The following KIDINS220 variants were observed in gnomAD, a reference collection of about 807,000 sequenced individuals.
The protein encoded by KIDINS220 is kinase D-interacting substrate of 220 kDa.
In KIDINS220, 63 loss-of-function variants were observed where a neutral mutation model predicts 157.6. The observed-to-expected ratio is 0.40, with a 90% CI of 0.33 to 0.49. The LOEUF is 0.49. Among genes scored for constraint, KIDINS220 ranks in the 20% least tolerant of loss-of-function variants. The pLI is 0.66. For missense variants in KIDINS220, 1,772 were observed against 2,171.2 expected (o/e 0.82, Z 3.65); for synonymous variants, 732 against 783.6 (o/e 0.93, Z 1.10).
chr2:8,780,135 G>A (rs767208254), intron 17 of KIDINS220, among the ~76,000 whole-genome samples: 4 of 152,182 alleles, frequency 2.6e-5, no homozygotes, highest in South Asian at 4.1e-4. Context: ...AGATCTGGAT[G>A]CAAATCCAAA....
At position 8,795,695 on chromosome 2, in the gene KIDINS220, A is replaced by G. The variant is rs560787299; in HGVS notation, c.1098+1076T>C. ...AACACACAAAAGAATACCAAGGCAGAGGCCTTCAGGAAACTTATTAATGAG... is the reference window on the plus strand; with the variant it reads ...AACACACAAAAGAATACCAAGGCAGGGGCCTTCAGGAAACTTATTAATGAG... On this transcript the variant is annotated intron_variant, in intron 11 of 29. Transcript: ENST00000256707. 2.6e-4 allele frequency among the ~76,000 whole-genome samples: 40 copies of G among 152,360 alleles called. No homozygotes were observed. The East Asian group carries it at 7.3e-3, about 28-fold the overall frequency.
Position 8,778,961 on chromosome 2 carries a change from C to T in KIDINS220, c.2549G>A (p.Ser850Asn), listed in dbSNP as rs368726968. 1.6e-5 allele frequency: 26 copies of T among 1,613,998 alleles called. No individual in the cohort carries two copies. Among genetic ancestry groups the T allele is most frequent in the South Asian group, 2.2e-5 (2 of 91,086 alleles). ...AGTTACGAGAAATTTTCTTGCATTG[C>T]TTAGTCCACGACTATTAAGGAACAC... ...LPVFLNSRGL[S>N]NARKFLVTSA... is the part of the protein sequence containing the mutation. The change falls in exon 19 of 30, where the codon AGC becomes AAC. Residue 850 changes from serine to asparagine, a missense_variant. Physicochemically the swap from Ser to Asn is conservative, Grantham distance 46. Around this residue, in one of 3 missense-constraint regions of KIDINS220, gnomAD observed 725 missense variants for 1,017.1 expected, o/e 0.71. Transcript: ENST00000256707.
chr2:8,741,749 G>GA (rs1665658509), intron 26 of KIDINS220, among the ~76,000 whole-genome samples: 1 of 152,118 alleles, frequency 6.6e-6, no homozygotes, highest in Admixed American at 6.5e-5. Flanking sequence ...AATTGTTTAG[G>GA]AAAAAAGTTT....
Position 8,729,217 on chromosome 2 carries a change from T to C in KIDINS220, c.*1503A>G, listed in dbSNP as rs866698180. 2 of 985,286 alleles carry C rather than the reference T, an allele frequency of 2.0e-6. No individual in the cohort carries two copies. The highest frequency in any genetic ancestry group is 3.5e-5 in the African/African-American group (2 of 57,346). The allele number at this position is 985,286 out of a possible 1,614,324, so 61.0% of individuals were successfully genotyped here. A position where few individuals can be genotyped will look rare whatever the true frequency, so the allele number is the denominator to read the frequency against. ...ATGCAAAATAAACACTGTATTAAAA[T>C]GCTAGATTACACTCAAACATCAAGG... On this transcript the variant is annotated 3_prime_UTR_variant, in exon 30 of 30. Coordinates refer to ENST00000256707, the MANE Select transcript of KIDINS220 (RefSeq NM_020738.4).
intron 7 of KIDINS220, 119 bp from the exon 8 acceptor site, chr2:8,803,246 T>A (rs1179011226): frequency 2.4e-6 from 2 of 847,780 alleles, no homozygotes; most frequent in Admixed American, 6.3e-5. Flanking sequence ...GGTGGCCTAT[T>A]ATTGTCATTT....
downstream of KIDINS220, chr2:8,723,402 G>GT (rs1276340894): frequency 1.3e-5 from 2 of 152,232 alleles, no homozygotes; most frequent in Admixed American, 1.3e-4. Flanking sequence ...GTAAATTTAG[G>GT]TAACACTGAA....
chr2:8,726,603 A>G (rs1441495117), downstream of KIDINS220, among the ~76,000 whole-genome samples: 1 of 152,210 alleles, frequency 6.6e-6, no homozygotes, highest in Non-Finnish European at 1.5e-5. Context: ...TCGTGGGAGC[A>G]TCACAGAGCA....
chr2:8,786,208 T>C lies in KIDINS220; in HGVS notation c.1937A>G (p.Gln646Arg), dbSNP rs1365079712. 6.2e-7 allele frequency: 1 copy of C among 1,614,068 alleles called. No homozygotes were observed. The highest frequency in any genetic ancestry group is 8.5e-7 in the Non-Finnish European group (1 of 1,179,958). The change falls in exon 16 of 30, where the codon CAG becomes CGG. Residue 646 changes from glutamine to arginine, a missense_variant and splice_region_variant. This residue lies in a region of KIDINS220 where 725 missense variants were observed against 1,017.1 expected (regional missense o/e 0.71). Transcript: ENST00000256707. ...LFRVFKTEDT[Q>R]GKKKWKKTCC... The stretch of plus-strand genomic sequence containing the variant: ...AGAAGGAAGGAAGGAAATCCTACCC[T>C]GAGTATCTTCAGTCTTGAATACTCG...
At chr2:8,791,785 G>T in intron 12 of KIDINS220, among the ~76,000 whole-genome samples, 1 of 152,170 alleles carries the variant, frequency 6.6e-6, no homozygotes, top group Non-Finnish European at 1.5e-5. Context: ...AGGAAGAAAG[G>T]TTCAGCAATT....
chr2:8,777,788 T>G (rs1671162623), intron 20 of KIDINS220, among the ~76,000 whole-genome samples: 1 of 152,168 alleles, frequency 6.6e-6, no homozygotes, highest in Non-Finnish European at 1.5e-5. Context: ...GAAGGATGGA[T>G]GCAACCATGG....
intron 22 of KIDINS220, among the ~76,000 whole-genome samples, chr2:8,759,789 T>C (rs1668520280): frequency 6.6e-6 from 1 of 152,072 alleles, no homozygotes; most frequent in Admixed American, 6.5e-5. Context: ...TTATGAAGAA[T>C]TGAGAGGGAA....
At chr2:8,780,634 G>A (rs1289311708) in intron 17 of KIDINS220, among the ~76,000 whole-genome samples, 1 of 151,924 alleles carries the variant, frequency 6.6e-6, no homozygotes, top group African/African-American at 2.4e-5. Context: ...CAAGGGACGG[G>A]AGAGAGGAAT....
intron 26 of KIDINS220, among the ~76,000 whole-genome samples, chr2:8,742,811 G>A (rs538589978): frequency 2.0e-4 from 29 of 145,964 alleles, no homozygotes; most frequent in Admixed American, 1.5e-3. Context: ...ATAAATATTC[G>A]TTGAACTAAT....
chr2:8,790,671 T>C (rs1673059467), intron 13 of KIDINS220, among the ~76,000 whole-genome samples: 1 of 152,156 alleles, frequency 6.6e-6, no homozygotes. Context: ...TGGGTGGTAG[T>C]GAGGCCACTA....
At chr2:8,791,363 G>T in intron 12 of KIDINS220, 139 bp from the exon 13 acceptor site, 1 of 623,732 alleles carries the variant, frequency 1.6e-6, no homozygotes, top group Non-Finnish European at 2.6e-6. Context: ...GTTTCAGGGA[G>T]TCTCTGAGCC....
chr2:8,769,809 T>A (rs1572576701), intron 22 of KIDINS220, among the ~76,000 whole-genome samples: 1 of 152,322 alleles, frequency 6.6e-6, no homozygotes, highest in East Asian at 1.9e-4. Context: ...CAGATGCAAT[T>A]CAGTACCACT....
At chr2:8,798,390 C>A in intron 9 of KIDINS220, 90 bp from the exon 10 acceptor site, 1 of 731,990 alleles carries the variant, frequency 1.4e-6, no homozygotes, top group Non-Finnish European at 2.4e-6. Context: ...TGTCAGAAAG[C>A]ATTCCAACAG....
chr2:8,800,876 T>C lies in KIDINS220; in HGVS notation c.802-378A>G, dbSNP rs560633088. 3.3e-5 allele frequency among the ~76,000 whole-genome samples: 5 copies of C among 152,294 alleles called. No individual in the cohort carries two copies. In the East Asian group the frequency reaches 9.7e-4, roughly 29 times the overall value. ...ATTTTAAAATCATATAGTAAAAATA[T>C]CTTGGAATAATGCTATATGACGAAA... On this transcript the variant is annotated intron_variant, in intron 8 of 29. Transcript: ENST00000256707.
At chr2:8,825,626 C>G (rs950465276) in intron 2 of KIDINS220, 1 of 152,020 alleles carries the variant, frequency 6.6e-6, no homozygotes, top group Admixed American at 6.5e-5. Flanking sequence ...AAAAACCACT[C>G]CTTATTCATC....
Sources: gnomAD v4.1 joint callset for allele counts (sites outside exome capture counted in the v4.1 genomes callset) on GRCh38, gnomAD v4.1.1 for gene constraint, gnomAD v4.1.1 regional missense constraint, MANE v1.5 for transcripts, NCBI Gene and HGNC (gene_info 2026-07-23, HGNC 2026-07-21) for gene names.